The following TJP2 variants were observed in gnomAD, a reference collection of about 807,000 sequenced individuals.
TJP2 encodes tight junction protein 2, also known as Friedreich ataxia region gene X104 (tight junction protein ZO-2).
In TJP2, 91 loss-of-function variants were observed where a neutral mutation model predicts 133.1. The observed-to-expected ratio is 0.68, with a 90% confidence interval of 0.58 to 0.81. TJP2 has a LOEUF of 0.81. TJP2 is among the 40% of genes least tolerant of loss of function. The probability of loss-of-function intolerance (pLI) is 0.00; values close to 1 mark genes in which losing one functional copy is unlikely to be tolerated. For synonymous variants in TJP2, 592 were observed against 583.4 expected (o/e 1.01, Z -0.21); for missense variants, 1,541 against 1,565.6 (o/e 0.98, Z 0.26).
chr9:69,129,430 T>C (rs1822391428), intron 1 of TJP2, among the ~76,000 whole-genome samples: 1 of 151,956 alleles, frequency 6.6e-6, no homozygotes, highest in Non-Finnish European at 1.5e-5. Context: ...AGAATCCTTT[T>C]AGCCTGGGAG....
chr9:69,170,206 T>TTGTCCATTGCACAAACAATAACTA (rs1350024715), upstream of TJP2, among the ~76,000 whole-genome samples: 2 of 152,104 alleles, frequency 1.3e-5, no homozygotes, highest in African/African-American at 4.8e-5. Context: ...TTGAAAAAAA[T>TTGTCCATTGCACAAACAATAACTA]TGTCCATTGC....
In TJP2 at chr9:69,208,414, C is replaced by A. The variant is rs148712876; in HGVS notation, c.61-4134C>A. On this transcript the variant is annotated intron_variant, in intron 1 of 22. Coordinates refer to ENST00000377245, the MANE Select transcript of TJP2 (RefSeq NM_004817.4). ...GTGGTGGTAGTGGTAGGAGATTAAT[C>A]GTCTCTCTGACAAATTTAATTTAAA... 5.6e-3 allele frequency among the ~76,000 whole-genome samples: 852 copies of A among 152,196 alleles called. 8 individuals are homozygous for A. The highest frequency in any genetic ancestry group is 0.015 in the African/African-American group (616 of 41,512).
At position 69,254,932 on chromosome 9, in the gene TJP2, T is replaced by C. The variant is rs1831593409; in HGVS notation, c.*558T>C. 1 of 317,940 alleles carries C rather than the reference T, an allele frequency of 3.1e-6. No homozygotes were observed. The highest frequency in any genetic ancestry group is 1.1e-4 in the South Asian group (1 of 9,286). 19.7% of individuals were successfully genotyped at this position (317,940 alleles called of 1,614,324 possible). A position where few individuals can be genotyped will look rare whatever the true frequency, so the allele number is the denominator to read the frequency against. On this transcript the variant is annotated 3_prime_UTR_variant, in exon 23 of 23. Coordinates refer to ENST00000377245, the MANE Select transcript of TJP2 (RefSeq NM_004817.4). The stretch of plus-strand genomic sequence containing the variant: ...TAAGTTTTTATACCAGCTTAATAGC[T>C]GTAGTTTTCCCTGCACTGTGTCATC...
At chr9:69,211,024 C>T (rs1827867021) in intron 1 of TJP2, among the ~76,000 whole-genome samples, 1 of 152,154 alleles carries the variant, frequency 6.6e-6, no homozygotes, top group South Asian at 2.1e-4. Context: ...GCACCCAGCC[C>T]TCTTCTAATT....
At chr9:69,193,914 T>C (rs1156632470) in intron 1 of TJP2, among the ~76,000 whole-genome samples, 1 of 152,116 alleles carries the variant, frequency 6.6e-6, no homozygotes, top group African/African-American at 2.4e-5. Context: ...GCAGTGGGCA[T>C]TGGTCATTGT....
chr9:69,141,725 G>A (rs924511624), intron 1 of TJP2, among the ~76,000 whole-genome samples: 1 of 152,080 alleles, frequency 6.6e-6, no homozygotes, highest in Non-Finnish European at 1.5e-5. Context: ...CGAGTAGCTG[G>A]GATTACAGGT....
rs957389327 is a variant in TJP2, at chr9:69,212,729, A to G, written c.114+128A>G. 3 of 712,536 alleles carry G rather than the reference A, an allele frequency of 4.2e-6. No individual in the cohort carries two copies. The African/African-American group carries it at 5.3e-5, about 13-fold the overall frequency. The allele number at this position is 712,536 out of a possible 1,614,324, so 44.1% of individuals were successfully genotyped here. ...CCTTGAGGTACATAATGTATTATAG[A>G]TACTAACTGGCAATAATTGCTATGT... On this transcript the variant is annotated intron_variant, in intron 2 of 22. Coordinates refer to ENST00000377245, the MANE Select transcript of TJP2 (RefSeq NM_004817.4).
At chr9:69,227,899 T>C (rs755366176) in intron 8 of TJP2, 26 bp downstream of exon 8, 8 of 1,612,588 alleles carry the variant, frequency 5.0e-6, no homozygotes, top group South Asian at 4.4e-5. Flanking sequence ...TATTCTCTTG[T>C]ACATGTCATT....
intron 1 of TJP2, among the ~76,000 whole-genome samples, chr9:69,136,404 A>G (rs778455061): frequency 3.9e-5 from 6 of 152,216 alleles, no homozygotes; most frequent in African/African-American, 1.2e-4. Context: ...TAAAATGTAC[A>G]GTTCATTTTA....
Position 69,251,269 on chromosome 9 carries a change from A to G in TJP2, c.3226A>G (p.Lys1076Glu). Residue 1076 changes from lysine (K) to glutamate (E), a missense_variant, in exon 21 of 23, where the codon AAA (lysine) becomes GAA (glutamate). By Grantham distance (56) the Lys-to-Glu change is moderately conservative. Transcript: ENST00000377245. ...ESSEEQDNAP[K>E]SVLGKVKIFE... is the part of the protein sequence containing the mutation. The stretch of plus-strand genomic sequence containing the variant: ...CAGTGAGGAGCAAGATAATGCTCCC[A>G]AATCAGTCCTGGGCAAAGTCAAAAT... 1 of 1,614,242 alleles carries G rather than the reference A, an allele frequency of 6.2e-7. No individual in the cohort carries two copies. Among genetic ancestry groups the G allele is most frequent in the Non-Finnish European group, 8.5e-7 (1 of 1,180,040 alleles).
intron 1 of TJP2, among the ~76,000 whole-genome samples, chr9:69,180,347 G>A (rs185839072): frequency 2.0e-5 from 3 of 152,294 alleles, no homozygotes; most frequent in Non-Finnish European, 4.4e-5. Flanking sequence ...TGAGTTGAAG[G>A]TAAACAGAGA....
intron 2 of TJP2, among the ~76,000 whole-genome samples, chr9:69,214,242 C>A (rs148313715): frequency 5.9e-5 from 9 of 152,178 alleles, no homozygotes; most frequent in Admixed American, 5.9e-4. Flanking sequence ...TGTGCCACCA[C>A]ACCTGGCTAA....
At chr9:69,218,591 A>G in intron 4 of TJP2, 1 of 542,382 alleles carries the variant, frequency 1.8e-6, no homozygotes, top group Non-Finnish European at 3.3e-6. Flanking sequence ...AGTTTGCCTT[A>G]GGAACCAAGT....
intron 1 of TJP2, among the ~76,000 whole-genome samples, chr9:69,191,095 GAAAAGCA>G (rs1378235079): frequency 1.3e-5 from 2 of 151,106 alleles, no homozygotes; most frequent in African/African-American, 4.9e-5. Flanking sequence ...TCATAGCTTG[GAAAAGCA>G]AAAAGGAAAA....
chr9:69,191,856 T>A (rs1826225463), intron 1 of TJP2, among the ~76,000 whole-genome samples: 2 of 151,856 alleles, frequency 1.3e-5, no homozygotes, highest in South Asian at 4.2e-4. Context: ...CCTGCCTCAG[T>A]CTCCTGACTA....
At position 69,229,206 on chromosome 9, in the gene TJP2, G is replaced by C. The variant is rs749042061; in HGVS notation, c.1476G>C (p.Pro492=). The C allele has an allele frequency of 1.2e-6, 2 of 1,614,100 alleles. No homozygotes were observed. The highest frequency in any genetic ancestry group is 2.2e-5 in the South Asian group (2 of 91,066). The change falls in exon 10 of 23, where the codon CCG becomes CCC. Residue 492 remains proline (P), a synonymous_variant. Transcript: ENST00000377245. ...CAGCTCCTCAACCAAAAGCAGCCCC[G>C]AGAACTTTTCTTCGTCCTAGTCCTG... ...DPPAPQPKAA[P]RTFLRPSPED...
intron 5 of TJP2, among the ~76,000 whole-genome samples, chr9:69,224,349 A>G (rs906271711): frequency 2.7e-5 from 4 of 150,306 alleles, no homozygotes; most frequent in Non-Finnish European, 4.4e-5. Context: ...AGGTGTGCTG[A>G]ATTGTTTTTT....
At chr9:69,163,457 G>T (rs550357581) in intron 2 of TJP2, among the ~76,000 whole-genome samples, 82 of 152,182 alleles carry the variant, frequency 5.4e-4, no homozygotes, top group African/African-American at 1.8e-3. Context: ...GTAACATGGC[G>T]AAACCCCATC....
intron 1 of TJP2, among the ~76,000 whole-genome samples, chr9:69,132,809 G>C (rs944270451): frequency 3.9e-5 from 6 of 152,152 alleles, no homozygotes; most frequent in Admixed American, 3.9e-4. Context: ...CTACCTGGTA[G>C]GCTTAGTGGG....
Sources: allele counts gnomAD v4.1 joint callset (sites outside exome capture counted in the v4.1 genomes callset), GRCh38; gene constraint gnomAD v4.1.1; transcripts MANE v1.5; gene names NCBI Gene and HGNC (gene_info 2026-07-23, HGNC 2026-07-21).